Variants in RCOR1 observed in about 807,000 individuals in gnomAD.
RCOR1 encodes the protein REST corepressor 1, also known as REST corepressor.
A neutral mutation model predicts 64.0 loss-of-function variants in RCOR1; 12 were observed. The ratio of observed to expected loss-of-function variants is 0.19; its 90% CI spans 0.12 to 0.30. The LOEUF is 0.30. Ranked by LOEUF, RCOR1 falls within the 10% of genes least tolerant of loss-of-function variation. RCOR1 has a pLI of 1.00. For missense variants in RCOR1, 502 were observed against 621.2 expected, an observed-to-expected ratio of 0.81 and a Z score of 2.04; for synonymous variants, 279 against 227.2, an observed-to-expected ratio of 1.23 and a Z score of -2.05.
chr14:102,709,654 A>G (rs756826159), intron 6 of RCOR1, among the ~76,000 whole-genome samples: 7 of 152,208 alleles, frequency 4.6e-5, no homozygotes, highest in Non-Finnish European at 8.8e-5. Context: ...AGCCTATAAA[A>G]TTATCGACCA....
At chr14:102,707,642 C>T in intron 5 of RCOR1, 130 bp downstream of exon 5, 1 of 773,770 alleles carries the variant, frequency 1.3e-6, no homozygotes, top group Non-Finnish European at 2.0e-6. Context: ...CCTTTAGATT[C>T]AGCTTAGTAC....
intron 2 of RCOR1, chr14:102,659,446 A>G (rs752669086): frequency 1.9e-5 from 4 of 209,446 alleles, no homozygotes; most frequent in Non-Finnish European, 2.5e-5. Context: ...AAGTGGCAGA[A>G]TACCAGGACA....
At chr14:102,681,838 A>C in intron 2 of RCOR1, 57 bp from the exon 3 acceptor site, 1 of 1,255,350 alleles carries the variant, frequency 8.0e-7, no homozygotes, top group Non-Finnish European at 1.1e-6. Context: ...ATTGTTACTT[A>C]TAGCTTATTA....
intron 3 of RCOR1, among the ~76,000 whole-genome samples, chr14:102,685,942 G>A (rs190546738): frequency 6.2e-4 from 95 of 152,144 alleles, no homozygotes; most frequent in Non-Finnish European, 1.0e-3. Flanking sequence ...AAACGGGGAG[G>A]CGGGGGCTAG....
chr14:102,659,808 C>T lies in RCOR1; in HGVS notation c.362-22087C>T, dbSNP rs564088891. Reference sequence around the variant, plus strand: ...AAGGAGGCAGAAAGTTTGGTAAGGACGTTATTGCAACCTGAATAAGCCACT... The same window carrying T: ...AAGGAGGCAGAAAGTTTGGTAAGGATGTTATTGCAACCTGAATAAGCCACT... On this transcript the variant is annotated intron_variant, in intron 2 of 11. Coordinates refer to ENST00000262241, the MANE Select transcript of RCOR1 (RefSeq NM_015156.4). Among the ~76,000 whole-genome samples, 225 of 152,168 alleles carry T rather than the reference C, an allele frequency of 1.5e-3. 2 individuals carry two copies. The highest frequency in any genetic ancestry group is 5.3e-3 in the African/African-American group (222 of 41,512).
At chr14:102,614,103 C>T (rs535641790) in intron 2 of RCOR1, among the ~76,000 whole-genome samples, 1 of 151,792 alleles carries the variant, frequency 6.6e-6, no homozygotes, top group Non-Finnish European at 1.5e-5. Flanking sequence ...CCATGTTGGT[C>T]AGGCTGGTCT....
chr14:102,701,186 G>A, intron 3 of RCOR1, 92 bp from the exon 4 acceptor site: 1 of 1,032,780 alleles, frequency 9.7e-7, no homozygotes, highest in Non-Finnish European at 1.5e-6. Flanking sequence ...CATATCAGCA[G>A]GCCTGAAATA....
intron 2 of RCOR1, chr14:102,662,178 A>AT (rs1270131379): frequency 4.8e-6 from 2 of 419,662 alleles, no homozygotes; most frequent in Admixed American, 5.7e-5. Context: ...GCAACTTTTT[A>AT]TTTTTTATTT....
chr14:102,627,964 T>G (rs1036568975), intron 2 of RCOR1, among the ~76,000 whole-genome samples: 11 of 150,980 alleles, frequency 7.3e-5, no homozygotes, highest in Non-Finnish European at 1.2e-4. Flanking sequence ...AAAAGGGGTG[T>G]GTGTGTGTGT....
chr14:102,657,664 C>G, intron 2 of RCOR1: 2 of 475,400 alleles, frequency 4.2e-6, no homozygotes, highest in Non-Finnish European at 5.5e-6. Flanking sequence ...ATGGTGAAAC[C>G]CTGTCTGTAG....
intron 3 of RCOR1, among the ~76,000 whole-genome samples, chr14:102,692,768 C>CTTT (rs538053987): frequency 1.1e-4 from 12 of 111,926 alleles, no homozygotes; most frequent in South Asian, 8.5e-4. Flanking sequence ...TTTTCTTTTT[C>CTTT]TTTTTTTTTT....
chr14:102,629,442 T>TCCCCCCC lies in RCOR1; in HGVS notation c.361+36122_361+36128dup, dbSNP rs34832312. ...TTAAAATCTTGTTGCCTTAACAGCC[T>TCCCCCCC]CCCCCCCCCCCACCACTGCTTCTAG... is the stretch of plus-strand genomic sequence containing the variant. On this transcript the variant is annotated intron_variant, in intron 2 of 11. Transcript: ENST00000262241. Among the ~76,000 whole-genome samples, 8 of 145,962 alleles carry TCCCCCCC rather than the reference T, an allele frequency of 5.5e-5. 1 individual carries two copies. Among genetic ancestry groups the TCCCCCCC allele is most frequent in the African/African-American group, 1.8e-4 (7 of 38,834 alleles).
In RCOR1 at chr14:102,713,450, T is replaced by C. The variant is rs147812598; in HGVS notation, c.859-973T>C. On this transcript the variant is annotated intron_variant, in intron 7 of 11. Coordinates refer to ENST00000262241, the MANE Select transcript of RCOR1 (RefSeq NM_015156.4). ...GGCGCCCGCCACCGCACCTGGCTAA[T>C]TTTTTGTAGTTTTAGTAGAGATGGG... 8.2e-3 allele frequency among the ~76,000 whole-genome samples: 1,252 copies of C among 152,054 alleles called. 20 individuals carry two copies. Among genetic ancestry groups the C allele is most frequent in the African/African-American group, 0.029 (1,188 of 41,478 alleles).
intron 4 of RCOR1, among the ~76,000 whole-genome samples, chr14:102,705,983 G>A (rs1038165904): frequency 2.6e-4 from 40 of 151,254 alleles, no homozygotes; most frequent in African/African-American, 9.0e-4. Context: ...ATGGTGGCAC[G>A]CACCTGTAGT....
intron 7 of RCOR1, among the ~76,000 whole-genome samples, chr14:102,711,334 C>G (rs558643094): frequency 3.9e-5 from 6 of 152,300 alleles, no homozygotes; most frequent in Admixed American, 1.3e-4. Context: ...TTCCAGGCAG[C>G]CTTAGGGTCT....
intron 8 of RCOR1, among the ~76,000 whole-genome samples, chr14:102,715,040 C>G (rs1566712597): frequency 6.6e-6 from 1 of 151,864 alleles, no homozygotes. Context: ...CTTTTATTAC[C>G]TGACTCCTCC....
At chr14:102,617,987 T>A (rs77581484) in intron 2 of RCOR1, among the ~76,000 whole-genome samples, 2 of 150,368 alleles carry the variant, frequency 1.3e-5, no homozygotes, top group Non-Finnish European at 3.0e-5. Context: ...TTTTTTTTTT[T>A]TGTGAGACAG....
rs1895417353 is a variant in RCOR1 at position 102,686,282 on chromosome 14, TATTTTAGAGAC to T, written c.445+4312_445+4322del. On this transcript the variant is annotated intron_variant, in intron 3 of 11. Transcript: ENST00000262241. ...ATTTTCTTGTTTAAAATAGATTTTATATTTTAGAGACATTTTAGCTTCACAGCTAAATTGAG... is the reference window on the plus strand; with the variant it reads ...ATTTTCTTGTTTAAAATAGATTTTATATTTTAGCTTCACAGCTAAATTGAG... Among the ~76,000 whole-genome samples the T allele has an allele frequency of 8.5e-5, 13 of 152,294 alleles. No homozygotes were observed. The South Asian group carries it at 2.7e-3, about 32-fold the overall frequency.
rs984456334 is a variant in RCOR1 at position 102,629,936 on chromosome 14, T to G, written c.361+36611T>G. ...GTGGCAGAACTCAGCTTGAAGTGACTTGACTATTATTACATTATATGTGAC... is the reference window on the plus strand; with the variant it reads ...GTGGCAGAACTCAGCTTGAAGTGACGTGACTATTATTACATTATATGTGAC... On this transcript the variant is annotated intron_variant, in intron 2 of 11. Transcript: ENST00000262241. 4.4e-6 allele frequency: 4 copies of G among 912,858 alleles called. No homozygotes were observed. In the African/African-American group the frequency reaches 7.1e-5, roughly 16 times the overall value. 56.5% of individuals were successfully genotyped at this position (912,858 alleles called of 1,614,324 possible).
Sources: gnomAD v4.1 joint callset for allele counts (sites outside exome capture counted in the v4.1 genomes callset) on GRCh38, gnomAD v4.1.1 for gene constraint, MANE v1.5 for transcripts, NCBI Gene and HGNC (gene_info 2026-07-23, HGNC 2026-07-21) for gene names.